The following RMRP variants were observed in gnomAD, a reference collection of about 807,000 sequenced individuals.
The protein encoded by RMRP is RNA component of mitochondrial RNA processing endoribonuclease, also known as RNase MRP RNA.
At chr9:35,657,992 C>T (rs978634667) in exon 1 of RMRP, 1 of 699,364 alleles carries the variant, frequency 1.4e-6, no homozygotes, top group African/African-American at 1.7e-5. Context: ...AGTGTGTAGC[C>T]TAGGATACAG....
chr9:35,657,957 C>T lies in RMRP; in HGVS notation n.61G>A, dbSNP rs544069410. On this transcript the variant is annotated non_coding_transcript_exon_variant, in exon 1 of 1. Transcript: ENST00000363046. ...CGAGGTCCGGGGACTTTCCCCTAGG[C>T]GGAAAGGGGAGGAACAGAGTCCTCA... 17 of 700,378 alleles carry T rather than the reference C, an allele frequency of 2.4e-5. No individual in the cohort carries two copies. Among genetic ancestry groups the T allele is most frequent in the Admixed American group, 4.0e-5 (2 of 50,010 alleles). The allele number at this position is 700,378 out of a possible 1,614,324, so 43.4% of individuals were successfully genotyped here. A position where few individuals can be genotyped will look rare whatever the true frequency, so the allele number is the denominator to read the frequency against.
At chr9:35,658,009 A>T (rs748814304) in exon 1 of RMRP, 1 of 692,800 alleles carries the variant, frequency 1.4e-6, no homozygotes, top group Non-Finnish European at 2.6e-6. Context: ...ACAGGCCTTC[A>T]GCACGAACCA....
At chr9:35,657,835 C>T in exon 1 of RMRP, 2 of 693,264 alleles carry the variant, frequency 2.9e-6, no homozygotes, top group Non-Finnish European at 5.2e-6. Context: ...CGGATGACGC[C>T]CCCGCGCCAC....
rs727502774 is a variant in RMRP, at chr9:35,657,756, C to A, written n.262G>T. 3.8e-5 allele frequency: 26 copies of A among 685,554 alleles called. No homozygotes were observed. 42.5% of individuals were successfully genotyped at this position (685,554 alleles called of 1,614,324 possible). ...CGTGGTCTCGGGAACAAAAAACAGC[C>A]GCGCTGAGAATGAGCCCCGTGTGGT... On this transcript the variant is annotated non_coding_transcript_exon_variant, in exon 1 of 1. Coordinates refer to ENST00000363046, the Ensembl canonical transcript of RMRP.
exon 1 of RMRP, chr9:35,657,773 C>A: frequency 1.4e-6 from 1 of 696,400 alleles, no homozygotes; most frequent in Non-Finnish European, 2.6e-6. Context: ...AGAATGAGCC[C>A]CGTGTGGTTG....
rs753874439 is a variant in RMRP, at chr9:35,657,872, C to T, written n.146G>A. On this transcript the variant is annotated non_coding_transcript_exon_variant, in exon 1 of 1. Transcript: ENST00000363046. Reference sequence around the variant, plus strand: ...CCGCTCAGCGGGATACGCTTCTTGGCGGACTTTGGAGTGGGAAGCGGGGAA... The same window carrying T: ...CCGCTCAGCGGGATACGCTTCTTGGTGGACTTTGGAGTGGGAAGCGGGGAA... 3.7e-5 allele frequency: 26 copies of T among 700,354 alleles called. No homozygotes were observed. Among genetic ancestry groups the T allele is most frequent in the Middle Eastern group, 3.6e-4 (1 of 2,760 alleles). 43.4% of individuals were successfully genotyped at this position (700,354 alleles called of 1,614,324 possible).
chr9:35,657,862 C>T lies in RMRP; in HGVS notation n.156G>A, dbSNP rs7021463. ...CCGCGCCACGCCGCTCAGCGGGATA[C>T]GCTTCTTGGCGGACTTTGGAGTGGG... On this transcript the variant is annotated non_coding_transcript_exon_variant, in exon 1 of 1. Coordinates refer to ENST00000363046, the Ensembl canonical transcript of RMRP. 1.3e-5 allele frequency: 9 copies of T among 700,214 alleles called. No individual in the cohort carries two copies. The highest frequency in any genetic ancestry group is 1.8e-5 in the African/African-American group (1 of 57,130). The allele number at this position is 700,214 out of a possible 1,614,324, so 43.4% of individuals were successfully genotyped here.
rs924622406 is a variant in RMRP, at chr9:35,657,797, C to G, written n.221G>C. 2.1e-5 allele frequency: 15 copies of G among 699,852 alleles called. No homozygotes were observed. Among genetic ancestry groups the G allele is most frequent in the African/African-American group, 1.9e-4 (11 of 57,194 alleles). The allele number at this position is 699,852 out of a possible 1,614,324, so 43.4% of individuals were successfully genotyped here. ...CCCGTGTGGTTGGTGCGCGGACACG[C>G]ACTGCCTGCGTAACTAGAGGGAGCT... On this transcript the variant is annotated non_coding_transcript_exon_variant, in exon 1 of 1. Transcript: ENST00000363046.
chr9:35,657,919 G>T (rs536333075), exon 1 of RMRP: 1 of 700,456 alleles, frequency 1.4e-6, no homozygotes, highest in South Asian at 1.5e-5. Flanking sequence ...GTATGCACGT[G>T]GCACTCTCTG....
chr9:35,657,774 C>T (rs1219474496), exon 1 of RMRP: 5 of 696,578 alleles, frequency 7.2e-6, no homozygotes, highest in African/African-American at 3.5e-5. Flanking sequence ...GAATGAGCCC[C>T]GTGTGGTTGG....
Position 35,658,013 on chromosome 9 carries a change from C to CGAACCACGTCCTCAGCTTCACA in RMRP, n.4_5insTGTGAAGCTGAGGACGTGGTTC, listed in dbSNP as rs772962847. ...TAGCCTAGGATACAGGCCTTCAGCACGAACCACGTCCTCAGCTTCACAGAG... is the reference window on the plus strand; with the variant it reads ...TAGCCTAGGATACAGGCCTTCAGCACGAACCACGTCCTCAGCTTCACAGAACCACGTCCTCAGCTTCACAGAG... On this transcript the variant is annotated non_coding_transcript_exon_variant, in exon 1 of 1. Coordinates refer to ENST00000363046, the Ensembl canonical transcript of RMRP. 2 of 691,402 alleles carry CGAACCACGTCCTCAGCTTCACA rather than the reference C, an allele frequency of 2.9e-6. No individual in the cohort carries two copies. The highest frequency in any genetic ancestry group is 5.3e-6 in the Non-Finnish European group (2 of 377,786). The allele number at this position is 691,402 out of a possible 1,614,324, so 42.8% of individuals were successfully genotyped here. A position where few individuals can be genotyped will look rare whatever the true frequency, so the allele number is the denominator to read the frequency against.
rs536333075 is a variant in RMRP at position 35,657,919 on chromosome 9, G to C, written n.99C>G. 4.4e-5 allele frequency: 31 copies of C among 700,456 alleles called. No individual in the cohort carries two copies. In the Admixed American group the frequency reaches 6.2e-4, roughly 14 times the overall value. The allele number at this position is 700,456 out of a possible 1,614,324, so 43.4% of individuals were successfully genotyped here. A position where few individuals can be genotyped will look rare whatever the true frequency, so the allele number is the denominator to read the frequency against. ...GGAATGTCTACGTGCGTATGCACGT[G>C]GCACTCTCTGCCCGAGGTCCGGGGA... On this transcript the variant is annotated non_coding_transcript_exon_variant, in exon 1 of 1. Transcript: ENST00000363046.
exon 1 of RMRP, chr9:35,657,903 AC>A: frequency 1.4e-6 from 1 of 698,918 alleles, no homozygotes; most frequent in Non-Finnish European, 2.6e-6. Context: ...GGGAATGTCT[AC>A]GTGCGTATGC....
chr9:35,657,752 C>A (rs535022008), downstream of RMRP: 6 of 683,800 alleles, frequency 8.8e-6, no homozygotes, highest in East Asian at 5.4e-5. Flanking sequence ...GAACAAAAAA[C>A]AGCCGCGCTG....
rs1352003526 is a variant in RMRP at position 35,657,847 on chromosome 9, C to A, written n.171G>T. Reference sequence around the variant, plus strand: ...TGACGGATGACGCCCCCGCGCCACGCCGCTCAGCGGGATACGCTTCTTGGC... The same window carrying A: ...TGACGGATGACGCCCCCGCGCCACGACGCTCAGCGGGATACGCTTCTTGGC... On this transcript the variant is annotated non_coding_transcript_exon_variant, in exon 1 of 1. Transcript: ENST00000363046. 1.4e-6 allele frequency: 1 copy of A among 693,810 alleles called. No homozygotes were observed. The highest frequency in any genetic ancestry group is 2.6e-6 in the Non-Finnish European group (1 of 384,762). 43.0% of individuals were successfully genotyped at this position (693,810 alleles called of 1,614,324 possible). A position where few individuals can be genotyped will look rare whatever the true frequency, so the allele number is the denominator to read the frequency against.
chr9:35,657,809 A>G (rs1324099168), exon 1 of RMRP: 1 of 692,560 alleles, frequency 1.4e-6, no homozygotes, highest in Admixed American at 2.0e-5. Context: ...CTGCCTGCGT[A>G]ACTAGAGGGA....
At chr9:35,657,791 G>C (rs560328768) in exon 1 of RMRP, 5 of 699,266 alleles carry the variant, frequency 7.2e-6, no homozygotes, top group South Asian at 5.9e-5. Context: ...TTGGTGCGCG[G>C]ACACGCACTG....
At chr9:35,657,892 G>C (rs1049483652) in exon 1 of RMRP, 2 of 696,822 alleles carry the variant, frequency 2.9e-6, no homozygotes, top group South Asian at 1.5e-5. Context: ...AGTGGGAAGC[G>C]GGGAATGTCT....
rs753874439 is a variant in RMRP, at chr9:35,657,872, C to G, written n.146G>C. 7 of 700,472 alleles carry G rather than the reference C, an allele frequency of 1.0e-5. No individual in the cohort carries two copies. The highest frequency in any genetic ancestry group is 4.4e-5 in the South Asian group (3 of 67,516). 43.4% of individuals were successfully genotyped at this position (700,472 alleles called of 1,614,324 possible). A position where few individuals can be genotyped will look rare whatever the true frequency, so the allele number is the denominator to read the frequency against. On this transcript the variant is annotated non_coding_transcript_exon_variant, in exon 1 of 1. Transcript: ENST00000363046. ...CCGCTCAGCGGGATACGCTTCTTGG[C>G]GGACTTTGGAGTGGGAAGCGGGGAA... is the stretch of plus-strand genomic sequence containing the variant.
Sources: allele counts gnomAD v4.1 joint callset, GRCh38; gene constraint gnomAD v4.1.1; transcripts MANE v1.5; gene names NCBI Gene and HGNC (gene_info 2026-07-23, HGNC 2026-07-21).